The following HOOK3 variants were observed in gnomAD, a reference collection of about 807,000 sequenced individuals.
The protein encoded by HOOK3 is protein Hook homolog 3.
A neutral mutation model predicts 116.3 loss-of-function variants in HOOK3; 24 were observed. The ratio of observed to expected loss-of-function variants is 0.21; its 90% CI spans 0.15 to 0.29. The LOEUF (loss-of-function observed/expected upper bound fraction) is 0.29. HOOK3 is among the 10% of genes least tolerant of loss of function. The pLI is 1.00. For synonymous variants in HOOK3, 275 were observed against 283.0 expected (o/e 0.97, Z 0.28); for missense variants, 632 against 830.2 (o/e 0.76, Z 2.93).
intron 21 of HOOK3, among the ~76,000 whole-genome samples, chr8:43,018,114 A>G (rs1293047052): frequency 2.0e-5 from 3 of 152,206 alleles, no homozygotes; most frequent in East Asian, 3.8e-4. Flanking sequence ...GTCTGTCTCT[A>G]TCATCTGCTG....
chr8:42,906,953 G>T (rs1224017254), intron 2 of HOOK3, among the ~76,000 whole-genome samples: 1 of 152,160 alleles, frequency 6.6e-6, no homozygotes, highest in Non-Finnish European at 1.5e-5. Context: ...TTTGTTGAGT[G>T]ACTAAAGGAA....
At chr8:42,951,662 C>T (rs1052989368) in intron 6 of HOOK3, among the ~76,000 whole-genome samples, 1 of 151,994 alleles carries the variant, frequency 6.6e-6, no homozygotes, top group Non-Finnish European at 1.5e-5. Context: ...AGAAGACAGG[C>T]CGGGTGCGGT....
chr8:42,973,018 A>G (rs1808752733), intron 11 of HOOK3, among the ~76,000 whole-genome samples: 1 of 152,218 alleles, frequency 6.6e-6, no homozygotes, highest in Non-Finnish European at 1.5e-5. Flanking sequence ...AAAGAATTTC[A>G]GACTACCTGG....
rs1481418145 is a variant in HOOK3, at chr8:43,007,863, G to A, written c.1672G>A (p.Ala558Thr). ...LEEHLEKLHE[A>T]NNELQKKRAI... ...TTGTTACAGAGAGAAGCTGCATGAG[G>A]CCAATAATGAACTACAGAAGAAGAG... The change falls in exon 18 of 22, where the codon GCC becomes ACC. Residue 558 changes from alanine to threonine, a missense_variant. By Grantham distance (58) the Ala-to-Thr change is moderately conservative (BLOSUM62 0). Coordinates refer to ENST00000307602, the MANE Select transcript of HOOK3 (RefSeq NM_032410.4). The A allele has an allele frequency of 1.3e-6, 2 of 1,599,026 alleles. No homozygotes were observed. The highest frequency in any genetic ancestry group is 2.2e-5 in the East Asian group (1 of 44,702).
chr8:42,931,748 C>T (rs370141734), intron 4 of HOOK3, among the ~76,000 whole-genome samples: 18 of 151,548 alleles, frequency 1.2e-4, no homozygotes, highest in African/African-American at 4.4e-4. Flanking sequence ...TCCCTCTTCC[C>T]TCTTCCCATC....
chr8:42,935,783 G>A (rs561545805), intron 4 of HOOK3, among the ~76,000 whole-genome samples: 6 of 152,154 alleles, frequency 3.9e-5, no homozygotes, highest in Non-Finnish European at 8.8e-5. Flanking sequence ...ATGCTGTTTT[G>A]GTTACTGTAG....
chr8:42,967,315 C>G (rs965502983), intron 10 of HOOK3, among the ~76,000 whole-genome samples: 2 of 152,046 alleles, frequency 1.3e-5, no homozygotes, highest in African/African-American at 4.8e-5. Flanking sequence ...ACCTTGTCTC[C>G]TATAGCAGCG....
intron 15 of HOOK3, among the ~76,000 whole-genome samples, chr8:42,987,188 A>G (rs72644069): frequency 7.2e-5 from 11 of 152,210 alleles, no homozygotes; most frequent in Non-Finnish European, 1.3e-4. Flanking sequence ...CAAAAAAACC[A>G]ACAACAAAGA....
chr8:42,997,620 G>A lies in HOOK3; in HGVS notation c.1603G>A (p.Gly535Ser). 1 of 1,600,944 alleles carries A rather than the reference G, an allele frequency of 6.2e-7. No individual in the cohort carries two copies. The highest frequency in any genetic ancestry group is 8.6e-7 in the Non-Finnish European group (1 of 1,168,386). Residue 535 changes from glycine to serine, a missense_variant, in exon 16 of 22, where the codon GGC (glycine) becomes AGC (serine). Transcript: ENST00000307602. ...ATTACAAAAATCTTTACAGGATCAA[G>A]GCTCAAAAGCAGAAGATGTAAGTTT... Reference protein sequence around the residue: ...EELQKSLQDQGSKAEDSVLLK... With the variant: ...EELQKSLQDQSSKAEDSVLLK...
chr8:42,976,323 T>C (rs1380565972), intron 13 of HOOK3, among the ~76,000 whole-genome samples: 7 of 151,560 alleles, frequency 4.6e-5, no homozygotes, highest in Non-Finnish European at 7.4e-5. Context: ...CTGGGCAACA[T>C]AGCAAGACAC....
intron 4 of HOOK3, among the ~76,000 whole-genome samples, chr8:42,933,773 T>C (rs768526594): frequency 2.0e-5 from 3 of 152,216 alleles, no homozygotes; most frequent in African/African-American, 4.8e-5. Flanking sequence ...TTGGAAGTCA[T>C]TCCTCTGTAT....
At chr8:42,933,881 G>C (rs1359549670) in intron 4 of HOOK3, among the ~76,000 whole-genome samples, 1 of 152,016 alleles carries the variant, frequency 6.6e-6, no homozygotes, top group Non-Finnish European at 1.5e-5. Context: ...TCACTTTCTG[G>C]GACCTTTTAG....
At chr8:43,015,136 CA>C (rs755966313) in intron 21 of HOOK3, among the ~76,000 whole-genome samples, 5 of 144,452 alleles carry the variant, frequency 3.5e-5, no homozygotes, top group African/African-American at 1.3e-4. Flanking sequence ...GACTCTGTCT[CA>C]AAAAAAAACA....
chr8:42,909,078 G>A (rs1165769654), intron 2 of HOOK3, among the ~76,000 whole-genome samples: 2 of 152,192 alleles, frequency 1.3e-5, no homozygotes, highest in Non-Finnish European at 2.9e-5. Context: ...CTGATCACCA[G>A]GGAAATATAA....
At chr8:42,950,719 T>TCTGTCACC (rs1189894961) in intron 6 of HOOK3, among the ~76,000 whole-genome samples, 1 of 151,920 alleles carries the variant, frequency 6.6e-6, no homozygotes, top group Non-Finnish European at 1.5e-5. Context: ...GGAGTCTCAC[T>TCTGTCACC]CTGTCACCCA....
chr8:42,991,117 T>A (rs1809152101), intron 15 of HOOK3, among the ~76,000 whole-genome samples: 1 of 152,212 alleles, frequency 6.6e-6, no homozygotes, highest in African/African-American at 2.4e-5. Context: ...TAGATTTATC[T>A]CTGACTTCTC....
At chr8:42,957,051 CTTT>C (rs1230698041) in intron 6 of HOOK3, 40 bp from the exon 7 acceptor site, 2 of 1,125,916 alleles carry the variant, frequency 1.8e-6, no homozygotes, top group Non-Finnish European at 2.6e-6. Flanking sequence ...TGTAGAATGT[CTTT>C]TTTGCCTCAT....
intron 4 of HOOK3, among the ~76,000 whole-genome samples, chr8:42,939,795 C>T (rs1268436391): frequency 6.6e-6 from 1 of 150,872 alleles, no homozygotes; most frequent in Non-Finnish European, 1.5e-5. Flanking sequence ...AGGGTCTCCT[C>T]ACTTCTCAGA....
rs764965780 is a variant in HOOK3, at chr8:42,931,425, CT to C, written c.267+1277del. 9.5e-3 allele frequency among the ~76,000 whole-genome samples: 960 copies of C among 100,636 alleles called. 6 individuals carry two copies. The highest frequency in any genetic ancestry group is 0.035 in the African/African-American group (817 of 23,068). 66.0% of individuals were successfully genotyped at this position (100,636 alleles called of 152,430 possible). ...TCACCCCATTATATTCTTCTCTTCTCTTTTTTTTTTTTTTTTTTTTTTTTGA... is the reference window on the plus strand; with the variant it reads ...TCACCCCATTATATTCTTCTCTTCTCTTTTTTTTTTTTTTTTTTTTTTTGA... On this transcript the variant is annotated intron_variant, in intron 4 of 21. Coordinates refer to ENST00000307602, the MANE Select transcript of HOOK3 (RefSeq NM_032410.4).
Sources: allele counts gnomAD v4.1 joint callset (sites outside exome capture counted in the v4.1 genomes callset), GRCh38; gene constraint gnomAD v4.1.1; transcripts MANE v1.5; gene names NCBI Gene and HGNC (gene_info 2026-07-23, HGNC 2026-07-21).